CLRN1: variants seen among roughly 807,000 people sequenced by gnomAD.
CLRN1 encodes clarin 1.
A neutral mutation model predicts 18.7 loss-of-function variants in CLRN1; 15 were observed. The ratio of observed to expected loss-of-function variants is 0.80; its 90% CI spans 0.54 to 1.23. CLRN1 has a LOEUF of 1.23. CLRN1 is among the 50% of genes most tolerant of loss of function. The probability of loss-of-function intolerance (pLI) is 0.00; values close to 1 mark genes in which losing one functional copy is unlikely to be tolerated. For missense variants in CLRN1, 311 were observed against 277.5 expected (o/e 1.12, Z -0.86); for synonymous variants, 104 against 102.9 (o/e 1.01, Z -0.07).
intron 2 of CLRN1, among the ~76,000 whole-genome samples, chr3:150,935,462 A>G (rs1038265105): frequency 3.2e-4 from 48 of 151,682 alleles, no homozygotes; most frequent in Non-Finnish European, 6.5e-4. Flanking sequence ...TGTCCCTACA[A>G]AGGACATGAA....
intron 2 of CLRN1, among the ~76,000 whole-genome samples, chr3:150,933,460 A>G (rs1713277052): frequency 6.6e-6 from 1 of 152,112 alleles, no homozygotes; most frequent in African/African-American, 2.4e-5. Flanking sequence ...GGGAGTGAGA[A>G]GGTAGATATT....
intron 1 of CLRN1, among the ~76,000 whole-genome samples, chr3:150,970,309 A>C (rs776689524): frequency 1.8e-4 from 27 of 152,186 alleles, no homozygotes; most frequent in South Asian, 4.1e-4. Context: ...AATGGAAAAA[A>C]CGTGAACCAC....
chr3:150,963,645 C>T (rs554667687), intron 1 of CLRN1, among the ~76,000 whole-genome samples: 26 of 152,240 alleles, frequency 1.7e-4, no homozygotes, highest in African/African-American at 5.5e-4. Flanking sequence ...GGAGGTATTA[C>T]GCTACCTGAC....
chr3:150,948,102 C>T (rs574293168), intron 1 of CLRN1, among the ~76,000 whole-genome samples: 1 of 152,172 alleles, frequency 6.6e-6, no homozygotes, highest in Admixed American at 6.5e-5. Context: ...TCAAGAAATC[C>T]AGGAGCTGGT....
At chr3:150,943,951 T>A (rs1483886255) in intron 1 of CLRN1, 1 of 1,584,440 alleles carries the variant, frequency 6.3e-7, no homozygotes, top group Non-Finnish European at 8.6e-7. Flanking sequence ...GTAAATGGGG[T>A]ACCCCTGTTG....
intron 2 of CLRN1, among the ~76,000 whole-genome samples, chr3:150,935,210 T>G (rs968700439): frequency 6.6e-6 from 1 of 151,826 alleles, no homozygotes; most frequent in Non-Finnish European, 1.5e-5. Flanking sequence ...TAGGTACATA[T>G]GTATACATGT....
At chr3:150,944,477 G>A (rs1714041449) in intron 1 of CLRN1, among the ~76,000 whole-genome samples, 1 of 152,032 alleles carries the variant, frequency 6.6e-6, no homozygotes, top group Non-Finnish European at 1.5e-5. Context: ...TTTTCAGAGG[G>A]GAGAGATGGG....
At chr3:150,929,835 A>G (rs1713044929) in intron 2 of CLRN1, among the ~76,000 whole-genome samples, 1 of 152,228 alleles carries the variant, frequency 6.6e-6, no homozygotes, top group African/African-American at 2.4e-5. Flanking sequence ...AGGCAACACA[A>G]AAGAATGTAT....
rs544851494 is a variant in CLRN1 at position 150,959,667 on chromosome 3, A to C, written c.253+12789T>G. Among the ~76,000 whole-genome samples, 6 of 151,926 alleles carry C rather than the reference A, an allele frequency of 3.9e-5. No homozygotes were observed. In the South Asian group the frequency reaches 1.2e-3, roughly 32 times the overall value. On this transcript the variant is annotated intron_variant, in intron 1 of 2. Transcript: ENST00000327047. ...AAAAAGGTTACTGGAGGGTAATAAG[A>C]ATAAGGTAAAAAGTGTTTTTACTAA... is the stretch of plus-strand genomic sequence containing the variant.
At chr3:150,941,452 G>A (rs910581206) in intron 2 of CLRN1, 130 bp downstream of exon 2, 11 of 936,352 alleles carry the variant, frequency 1.2e-5, no homozygotes, top group African/African-American at 1.2e-4. Flanking sequence ...CACACTTTTT[G>A]TTATTATGTA....
downstream of CLRN1, chr3:150,926,382 G>A (rs1399738948): frequency 7.6e-6 from 2 of 263,384 alleles, no homozygotes; most frequent in Non-Finnish European, 1.5e-5. Context: ...CCTCACGCAG[G>A]AGACGGTCCT....
At position 150,928,064 on chromosome 3, in the gene CLRN1, C is replaced by G; in HGVS notation, c.571G>C (p.Val191Leu). 6.2e-7 allele frequency: 1 copy of G among 1,614,048 alleles called. No individual in the cohort carries two copies. Among genetic ancestry groups the G allele is most frequent in the Non-Finnish European group, 8.5e-7 (1 of 1,180,006 alleles). ...TGAACAAAAAAGCAAAAGAAAATGA[C>G]CCAGAATGAGGTGGTATATTTTTCA... Reference protein sequence around the residue: ...QSEKYTTSFWVIFFCFFVHFL... With the variant: ...QSEKYTTSFWLIFFCFFVHFL... The change falls in exon 3 of 3, where the codon GTC becomes CTC. Residue 191 changes from valine (V) to leucine (L), a missense_variant. Transcript: ENST00000327047.
At chr3:150,956,724 C>G (rs763528744) in intron 1 of CLRN1, among the ~76,000 whole-genome samples, 10 of 152,268 alleles carry the variant, frequency 6.6e-5, no homozygotes, top group Admixed American at 2.0e-4. Flanking sequence ...AGCCTTGCCT[C>G]CCTGCCCTTA....
chr3:150,934,734 A>G (rs1713359664), intron 2 of CLRN1, among the ~76,000 whole-genome samples: 1 of 152,086 alleles, frequency 6.6e-6, no homozygotes, highest in Admixed American at 6.6e-5. Context: ...GCAACTAAAA[A>G]CTATGAATCT....
chr3:150,945,466 A>T, intron 1 of CLRN1: 2 of 1,265,568 alleles, frequency 1.6e-6, no homozygotes, highest in Non-Finnish European at 2.1e-6. Context: ...AGAAAGTTTC[A>T]TTGGGTCAGA....
At chr3:150,943,450 ATGGTGGCTGGACAT>A (rs1197721020) in intron 1 of CLRN1, among the ~76,000 whole-genome samples, 1 of 152,126 alleles carries the variant, frequency 6.6e-6, no homozygotes, top group Non-Finnish European at 1.5e-5. Context: ...GACTTCAGAG[ATGGTGGCTGGACAT>A]TGGAGAGATG....
intron 1 of CLRN1, among the ~76,000 whole-genome samples, chr3:150,971,469 T>C (rs963646730): frequency 1.3e-4 from 20 of 152,142 alleles, no homozygotes; most frequent in Admixed American, 1.3e-3. Flanking sequence ...GCACTGCATA[T>C]GTTAATAATA....
intron 1 of CLRN1, among the ~76,000 whole-genome samples, chr3:150,956,581 G>A (rs1053419229): frequency 6.6e-6 from 1 of 152,132 alleles, no homozygotes; most frequent in African/African-American, 2.4e-5. Flanking sequence ...CATTACTCGA[G>A]TCTGCTATTA....
At chr3:150,952,080 AC>A (rs1714512681) in intron 1 of CLRN1, among the ~76,000 whole-genome samples, 1 of 152,252 alleles carries the variant, frequency 6.6e-6, no homozygotes, top group Admixed American at 6.5e-5. Context: ...TGTTGTCAGG[AC>A]TTGCAGTTGT....
Sources: gnomAD v4.1 joint callset for allele counts (sites outside exome capture counted in the v4.1 genomes callset) on GRCh38, gnomAD v4.1.1 for gene constraint, MANE v1.5 for transcripts, NCBI Gene and HGNC (gene_info 2026-07-23, HGNC 2026-07-21) for gene names.